The following C12orf42 variants were observed in gnomAD, a reference collection of about 807,000 sequenced individuals.
The protein encoded by C12orf42 is uncharacterized protein C12orf42.
A neutral mutation model predicts 21.6 loss-of-function variants in C12orf42; 25 were observed. That is an observed-to-expected ratio of 1.16 (90% CI 0.84 to 1.62). The LOEUF (loss-of-function observed/expected upper bound fraction) is 1.62. Among genes scored for constraint, C12orf42 ranks in the 40% most tolerant of loss-of-function variants. The pLI is 0.00. For synonymous variants in C12orf42, 174 were observed against 175.0 expected (o/e 0.99, Z 0.05); for missense variants, 483 against 459.3 (o/e 1.05, Z -0.47).
the C12orf42 span, among the ~76,000 whole-genome samples, chr12:103,084,977 A>G: frequency 0.012 from 1,805 of 152,312 alleles, 17 homozygotes; most frequent in South Asian, 0.026. Context: ...GCCAAATAAT[A>G]AACAAATGCT....
chr12:103,092,967 C>T, the C12orf42 span, among the ~76,000 whole-genome samples: 1 of 152,212 alleles, frequency 6.6e-6, no homozygotes, highest in African/African-American at 2.4e-5. Flanking sequence ...CTGTCCACAT[C>T]TCTGGACCTT....
intron 10 of C12orf42, among the ~76,000 whole-genome samples, chr12:103,261,318 G>A (rs2034888024): frequency 6.6e-6 from 1 of 151,608 alleles, no homozygotes; most frequent in Admixed American, 6.6e-5. Flanking sequence ...AAAAAAAAAT[G>A]TATATATACA....
At chr12:103,474,511 AT>A (rs1378351953) in intron 2 of C12orf42, among the ~76,000 whole-genome samples, 1 of 151,700 alleles carries the variant, frequency 6.6e-6, no homozygotes, top group Non-Finnish European at 1.5e-5. Context: ...ATCAAGAATA[AT>A]TCATCAAAAA....
the C12orf42 span, among the ~76,000 whole-genome samples, chr12:103,163,109 A>G: frequency 6.6e-6 from 1 of 152,216 alleles, no homozygotes; most frequent in South Asian, 2.1e-4. Flanking sequence ...TTTTACTCAC[A>G]TCAGTGTCTG....
intron 2 of C12orf42, among the ~76,000 whole-genome samples, chr12:103,431,032 C>T (rs1367883379): frequency 6.6e-6 from 1 of 151,986 alleles, no homozygotes; most frequent in Admixed American, 6.6e-5. Context: ...TTGATGGGTG[C>T]AGCAAACCAC....
the C12orf42 span, among the ~76,000 whole-genome samples, chr12:103,197,054 G>GT: frequency 1.3e-5 from 2 of 152,074 alleles, no homozygotes; most frequent in Admixed American, 6.5e-5. Context: ...AGCTGGTAAT[G>GT]TTTTTTCATT....
chr12:103,335,901 T>C (rs981636201), intron 4 of C12orf42, among the ~76,000 whole-genome samples: 2 of 152,338 alleles, frequency 1.3e-5, no homozygotes, highest in South Asian at 2.1e-4. Context: ...TATTTTCTTT[T>C]TATATTTGAC....
chr12:103,360,469 A>C (rs975390551), intron 4 of C12orf42, among the ~76,000 whole-genome samples: 5 of 151,910 alleles, frequency 3.3e-5, no homozygotes, highest in African/African-American at 1.2e-4. Context: ...ATGTCTCCAA[A>C]TCTAAGTCAA....
At chr12:103,321,503 C>T (rs202037943) in intron 4 of C12orf42, among the ~76,000 whole-genome samples, 3,369 of 134,228 alleles carry the variant, frequency 0.025, 8 homozygotes, top group East Asian at 0.078. Context: ...GACCCAGCCA[C>T]CCCATTACTG....
the C12orf42 span, among the ~76,000 whole-genome samples, chr12:103,155,857 G>C: frequency 1.9e-4 from 28 of 150,228 alleles, no homozygotes; most frequent in South Asian, 3.6e-3. Context: ...ACATATATGA[G>C]TGTATATATA....
At chr12:103,532,040 C>T in the C12orf42 span, among the ~76,000 whole-genome samples, 4 of 152,154 alleles carry the variant, frequency 2.6e-5, no homozygotes. Context: ...ATAAAAATTC[C>T]TTGCTATCAT....
chr12:103,187,314 T>G, the C12orf42 span, among the ~76,000 whole-genome samples: 2 of 151,552 alleles, frequency 1.3e-5, no homozygotes, highest in Non-Finnish European at 2.9e-5. Flanking sequence ...CCTTACAGAA[T>G]AAAAAAAAAC....
the C12orf42 span, among the ~76,000 whole-genome samples, chr12:103,502,362 T>C: frequency 6.6e-6 from 1 of 152,122 alleles, no homozygotes; most frequent in Non-Finnish European, 1.5e-5. Flanking sequence ...AAAAAATAAA[T>C]CAGATCATGG....
chr12:103,057,831 T>C, the C12orf42 span, among the ~76,000 whole-genome samples: 5 of 152,254 alleles, frequency 3.3e-5, no homozygotes, highest in East Asian at 9.7e-4. Flanking sequence ...TGTAAAAGCA[T>C]TCCCACTTCT....
intron 4 of C12orf42, among the ~76,000 whole-genome samples, chr12:103,324,985 C>T (rs886140650): frequency 3.3e-5 from 5 of 152,162 alleles, no homozygotes; most frequent in Admixed American, 2.0e-4. Flanking sequence ...ATTTGGTTAA[C>T]CGAAAATTAA....
intron 10 of C12orf42, chr12:103,238,031 T>G (rs930265956): frequency 9.2e-5 from 14 of 152,288 alleles, no homozygotes; most frequent in African/African-American, 2.9e-4. Flanking sequence ...ATGTGGTGGA[T>G]TGTGGCTGCC....
the C12orf42 span, among the ~76,000 whole-genome samples, chr12:103,523,075 G>C: frequency 6.6e-6 from 1 of 152,206 alleles, no homozygotes; most frequent in Non-Finnish European, 1.5e-5. Flanking sequence ...TGTGCAGCAA[G>C]GCCATCTGCT....
At chr12:103,292,395 C>G (rs958403689) in intron 4 of C12orf42, among the ~76,000 whole-genome samples, 26 of 151,836 alleles carry the variant, frequency 1.7e-4, no homozygotes, top group African/African-American at 6.3e-4. Context: ...AAATATGTCT[C>G]AATAAAGCTG....
At chr12:103,535,427 T>C in the C12orf42 span, among the ~76,000 whole-genome samples, 84 of 152,170 alleles carry the variant, frequency 5.5e-4, no homozygotes, top group African/African-American at 1.9e-3. Context: ...CTTTTTTTTT[T>C]TAAATCGAAC....
Sources: gnomAD v4.1 joint callset for allele counts (sites outside exome capture counted in the v4.1 genomes callset) on GRCh38, gnomAD v4.1.1 for gene constraint, MANE v1.5 for transcripts, NCBI Gene and HGNC (gene_info 2026-07-23, HGNC 2026-07-21) for gene names.